NBPF26: variants seen among roughly 807,000 people sequenced by gnomAD.
The protein encoded by NBPF26 is NBPF member 26.
In NBPF26, 79 loss-of-function variants were observed where a neutral mutation model predicts 119.6. The ratio of observed to expected loss-of-function variants is 0.66; its 90% confidence interval spans 0.55 to 0.80. The LOEUF is 0.80. NBPF26 is among the 30% of genes least tolerant of loss of function. The pLI, the probability that NBPF26 is intolerant of heterozygous loss-of-function variation, is 0.00. For missense variants in NBPF26, 800 were observed against 1,198.2 expected, an observed-to-expected ratio of 0.67 and a Z score of 4.91; for synonymous variants, 299 against 457.7, an observed-to-expected ratio of 0.65 and a Z score of 4.43.
At chr1:120,765,622 A>G (rs1374284619) in intron 2 of NBPF26, among the ~76,000 whole-genome samples, 3 of 72,256 alleles carry the variant, frequency 4.2e-5, no homozygotes, top group Non-Finnish European at 7.8e-5. Flanking sequence ...CAGCAATCCC[A>G]TTACTGAGTA....
Position 120,790,205 on chromosome 1 carries a change from G to T in NBPF26, c.416-2956G>T, listed in dbSNP as rs1489561472. ...TAATTTTTGTATTTTTAGTAGAGAT[G>T]GGCTTTCACCTTGTTAGCCAGAATG... On this transcript the variant is annotated intron_variant, in intron 3 of 29. Coordinates refer to ENST00000620612, the Ensembl canonical transcript of NBPF26. Among the ~76,000 whole-genome samples the T allele has an allele frequency of 1.8e-3, 184 of 103,594 alleles. 28 individuals carry two copies. In the South Asian group the frequency reaches 0.05, roughly 28 times the overall value. The allele number at this position is 103,594 out of a possible 152,430, so 68.0% of individuals were successfully genotyped here.
chr1:120,812,765 A>C (rs1305358612), intron 10 of NBPF26, among the ~76,000 whole-genome samples: 1 of 81,712 alleles, frequency 1.2e-5, no homozygotes. Context: ...TCCACTAAAA[A>C]TACAAAAAGT....
chr1:120,724,358 C>G, intron 1 of NBPF26, 108 bp downstream of exon 1: 1 of 1,351,574 alleles, frequency 7.4e-7, no homozygotes, highest in Non-Finnish European at 9.6e-7. Flanking sequence ...GCTCGGCCGC[C>G]GGCGCGGAGT....
chr1:120,764,255 A>T (rs1651164915), intron 2 of NBPF26, among the ~76,000 whole-genome samples: 1 of 111,998 alleles, frequency 8.9e-6, no homozygotes, highest in East Asian at 2.1e-4. Flanking sequence ...TCAAAAAGAA[A>T]TAAAAAAAAT....
intron 4 of NBPF26, among the ~76,000 whole-genome samples, chr1:120,804,847 T>A (rs1304058503): frequency 0.018 from 2,042 of 115,704 alleles, 124 homozygotes; most frequent in East Asian, 0.068. Flanking sequence ...AAAATATTTT[T>A]AAAAAATGAA....
At chr1:120,804,798 A>G (rs1224487776) in intron 4 of NBPF26, among the ~76,000 whole-genome samples, 2 of 117,856 alleles carry the variant, frequency 1.7e-5, no homozygotes, top group Non-Finnish European at 3.3e-5. Context: ...AATCAATCTA[A>G]CAATGGGATG....
chr1:120,823,339 A>T lies in NBPF26; in HGVS notation c.2618A>T (p.Asp873Val), dbSNP rs1553272250. The change falls in exon 17 of 30, where the codon GAC becomes GTC. Residue 873 changes from aspartate (D) to valine (V), a missense_variant. Transcript: ENST00000620612. The stretch of plus-strand genomic sequence containing the variant: ...CGGTGGGATCAAGTGAAAAAGGAGG[A>T]CCACGAGGCAACAGGTCCCAGGTGA... 57 of 1,424,774 alleles carry T rather than the reference A, an allele frequency of 4.0e-5. 4 individuals carry two copies. The East Asian group carries it at 1.3e-3, about 32-fold the overall frequency. 88.3% of individuals were successfully genotyped at this position (1,424,774 alleles called of 1,614,324 possible).
chr1:120,840,890 T>C (rs1214657050), downstream of NBPF26: 4 of 462,706 alleles, frequency 8.6e-6, no homozygotes, highest in Non-Finnish European at 1.4e-5. Context: ...CTCAGGGATG[T>C]CATTTTGCAG....
chr1:120,808,420 A>T (rs1553270451), intron 6 of NBPF26, 125 bp from the exon 7 acceptor site: 5 of 720,880 alleles, frequency 6.9e-6, no homozygotes, highest in Non-Finnish European at 1.1e-5. Flanking sequence ...CATTCCTTTC[A>T]ACGTGTGCTG....
exon 9 of NBPF26, chr1:120,810,390 C>T: frequency 6.3e-7 from 1 of 1,590,430 alleles, no homozygotes; most frequent in Non-Finnish European, 8.5e-7. Context: ...TGAGGACTCA[C>T]TGGAGGAATG....
At position 120,758,875 on chromosome 1, in the gene NBPF26, C is replaced by T. The variant is rs1651103467; in HGVS notation, c.74-4753C>T. On this transcript the variant is annotated intron_variant, in intron 1 of 29. Coordinates refer to ENST00000620612, the Ensembl canonical transcript of NBPF26. ...TACATTGTAGCTCAAAGCATACCTC[C>T]TCAGGGAGGCCTTTCCTAGACACTA... Among the ~76,000 whole-genome samples, 2 of 78,406 alleles carry T rather than the reference C, an allele frequency of 2.6e-5. 1 individual carries two copies. The highest frequency in any genetic ancestry group is 4.5e-5 in the Non-Finnish European group (2 of 44,640). The allele number at this position is 78,406 out of a possible 152,430, so 51.4% of individuals were successfully genotyped here.
rs1341644452 is a variant in NBPF26 at position 120,804,417 on chromosome 1, G to T, written c.752-1139G>T. Among the ~76,000 whole-genome samples, 2 of 83,462 alleles carry T rather than the reference G, an allele frequency of 2.4e-5. 1 individual carries two copies. Among genetic ancestry groups the T allele is most frequent in the Non-Finnish European group, 4.2e-5 (2 of 47,160 alleles). The allele number at this position is 83,462 out of a possible 152,430, so 54.8% of individuals were successfully genotyped here. On this transcript the variant is annotated intron_variant, in intron 4 of 29. Transcript: ENST00000620612. Reference sequence around the variant, plus strand: ...AGTGGAATGCAACCCAAAATCAATGGTGTTAGGTCATCTCAACAAAATATA... The same window carrying T: ...AGTGGAATGCAACCCAAAATCAATGTTGTTAGGTCATCTCAACAAAATATA...
chr1:120,769,183 A>AAGTAGAG (rs1165091146), intron 2 of NBPF26, among the ~76,000 whole-genome samples: 1 of 145,044 alleles, frequency 6.9e-6, no homozygotes, highest in African/African-American at 2.6e-5. Context: ...TCTGTATAGT[A>AAGTAGAG]AGTAGAGAGT....
At position 120,807,831 on chromosome 1, in the gene NBPF26, G is replaced by A. The variant is rs1326311398; in HGVS notation, c.1064+122G>A. The A allele has an allele frequency of 5.1e-3, 2,708 of 534,088 alleles. 344 individuals are homozygous for A. The highest frequency in any genetic ancestry group is 6.6e-3 in the Non-Finnish European group (2,021 of 307,606). 33.1% of individuals were successfully genotyped at this position (534,088 alleles called of 1,614,324 possible). A position where few individuals can be genotyped will look rare whatever the true frequency, so the allele number is the denominator to read the frequency against. ...GGGAAGGGCAGGAATTGCCATGGCA[G>A]GCTCGCTACACACAAATATTTATCA... On this transcript the variant is annotated intron_variant, in intron 6 of 29. Transcript: ENST00000620612.
Position 120,810,826 on chromosome 1 carries a change from T to C in NBPF26, c.1564+268T>C, listed in dbSNP as rs1463779385. Among the ~76,000 whole-genome samples, 8 of 108,852 alleles carry C rather than the reference T, an allele frequency of 7.3e-5. 1 individual carries two copies. Among genetic ancestry groups the C allele is most frequent in the East Asian group, 2.2e-4 (1 of 4,574 alleles). The allele number at this position is 108,852 out of a possible 152,430, so 71.4% of individuals were successfully genotyped here. A position where few individuals can be genotyped will look rare whatever the true frequency, so the allele number is the denominator to read the frequency against. On this transcript the variant is annotated intron_variant, in intron 9 of 29. Transcript: ENST00000620612. ...AAAATTAGGCAGGCATGGTGCTGCA[T>C]GCCTATAGTCCCAACTGCTCAGGAG... is the stretch of plus-strand genomic sequence containing the variant.
Position 120,809,877 on chromosome 1 carries a change from C to T in NBPF26, c.1346C>T (p.Ala449Val), listed in dbSNP as rs1651815228. 2.3e-5 allele frequency: 34 copies of T among 1,469,346 alleles called. No homozygotes were observed. The Middle Eastern group carries it at 6.3e-4, about 27-fold the overall frequency. The allele number at this position is 1,469,346 out of a possible 1,614,324, so 91.0% of individuals were successfully genotyped here. A position where few individuals can be genotyped will look rare whatever the true frequency, so the allele number is the denominator to read the frequency against. Residue 449 changes from alanine to valine, a missense_variant, in exon 8 of 30, where the codon GCC becomes GTC. Around this residue, in one of 13 missense-constraint regions of NBPF26, gnomAD observed 33 missense variants for 188.8 expected, o/e 0.17. Transcript: ENST00000620612. ...GATGAGAAAGTACTGGAATCATCTGCCCCCAGGTAACACTGAATACTCAGG... is the reference window on the plus strand; with the variant it reads ...GATGAGAAAGTACTGGAATCATCTGTCCCCAGGTAACACTGAATACTCAGG...
chr1:120,776,235 G>T (rs1308398513), intron 2 of NBPF26, among the ~76,000 whole-genome samples: 1 of 116,268 alleles, frequency 8.6e-6, no homozygotes, highest in South Asian at 2.5e-4. Context: ...CAGGCTCAGG[G>T]TTATTAAGAA....
chr1:120,811,932 A>G lies in NBPF26; in HGVS notation c.1611A>G (p.Ser537=). The G allele has an allele frequency of 3.5e-6, 4 of 1,147,980 alleles. 1 individual carries two copies. Among genetic ancestry groups the G allele is most frequent in the Non-Finnish European group, 4.9e-6 (4 of 815,098 alleles). The allele number at this position is 1,147,980 out of a possible 1,614,324, so 71.1% of individuals were successfully genotyped here. Residue 537 remains serine, a synonymous_variant, in exon 10 of 30, where the codon TCA becomes TCG. Transcript: ENST00000620612. ...CCACAAACGTCAGCATGGTGGTATC[A>G]GCCGGCCCTTTGTCCGGCGAGAAGG...
At chr1:120,729,618 CT>C (rs1650854610) in intron 1 of NBPF26, among the ~76,000 whole-genome samples, 1 of 119,564 alleles carries the variant, frequency 8.4e-6, no homozygotes, top group Non-Finnish European at 1.6e-5. Flanking sequence ...GGGGTGATTG[CT>C]CAGGTAAAGC....
Sources: gnomAD v4.1 joint callset for allele counts (sites outside exome capture counted in the v4.1 genomes callset) on GRCh38, gnomAD v4.1.1 for gene constraint, gnomAD v4.1.1 regional missense constraint, MANE v1.5 for transcripts, NCBI Gene and HGNC (gene_info 2026-07-23, HGNC 2026-07-21) for gene names.